Variants in CALCRL observed in about 807,000 individuals in gnomAD.
The protein encoded by CALCRL is calcitonin receptor like receptor, also known as calcitonin gene-related peptide type 1 receptor.
Under a neutral mutation model 60.4 loss-of-function variants are expected in CALCRL, and 27 were observed. That is an observed-to-expected ratio of 0.45 (90% CI 0.33 to 0.62). The LOEUF (loss-of-function observed/expected upper bound fraction) is 0.62, where lower values mean the gene tolerates loss of function less well. CALCRL is among the 20% of genes least tolerant of loss of function. CALCRL has a pLI of 0.03. For missense variants in CALCRL, 424 were observed against 540.7 expected (o/e 0.78, Z 2.14); for synonymous variants, 190 against 182.6 (o/e 1.04, Z -0.33).
intron 1 of CALCRL, among the ~76,000 whole-genome samples, chr2:187,396,414 A>G (rs1688655002): frequency 6.6e-6 from 1 of 151,754 alleles, no homozygotes; most frequent in African/African-American, 2.4e-5. Flanking sequence ...ACTTATTACC[A>G]TCATCATTGG....
chr2:187,359,508 A>C (rs1686955213), intron 10 of CALCRL, among the ~76,000 whole-genome samples: 1 of 152,114 alleles, frequency 6.6e-6, no homozygotes. Flanking sequence ...ACTATAATTC[A>C]TAAGTCATTT....
chr2:187,447,824 T>C (rs1256640076), intron 1 of CALCRL, among the ~76,000 whole-genome samples: 1 of 152,096 alleles, frequency 6.6e-6, no homozygotes, highest in Non-Finnish European at 1.5e-5. Flanking sequence ...TAAATTTATT[T>C]TCTAGAATAC....
intron 8 of CALCRL, among the ~76,000 whole-genome samples, chr2:187,373,787 A>C (rs555504428): frequency 4.0e-4 from 61 of 152,332 alleles, no homozygotes; most frequent in South Asian, 8.3e-4. Flanking sequence ...ACTGAGGATT[A>C]GAAAAATGAA....
intron 9 of CALCRL, among the ~76,000 whole-genome samples, chr2:187,361,939 CAT>C (rs1687072908): frequency 4.6e-5 from 7 of 151,802 alleles, no homozygotes; most frequent in Admixed American, 6.6e-5. Flanking sequence ...TAAAACACAG[CAT>C]TATATTAAAG....
rs182742660 is a variant in CALCRL, at chr2:187,397,014, T to C, written c.-292-9258A>G. ...TCCAACTCAGTCACACACTAGCAAA[T>C]TAAACAACTTCTTTAAGAATAGTTT... On this transcript the variant is annotated intron_variant, in intron 1 of 14. Coordinates refer to ENST00000392370, the MANE Select transcript of CALCRL (RefSeq NM_005795.6). Among the ~76,000 whole-genome samples, 7 of 151,800 alleles carry C rather than the reference T, an allele frequency of 4.6e-5. No homozygotes were observed. In the East Asian group the frequency reaches 1.4e-3, roughly 29 times the overall value.
chr2:187,361,119 A>T (rs1189791170), intron 9 of CALCRL, among the ~76,000 whole-genome samples: 2 of 127,982 alleles, frequency 1.6e-5, no homozygotes, highest in African/African-American at 5.3e-5. Context: ...TGACTGTTAC[A>T]TTCTGTTGGA....
chr2:187,423,894 A>G (rs1267743911), intron 1 of CALCRL, among the ~76,000 whole-genome samples: 1 of 152,076 alleles, frequency 6.6e-6, no homozygotes, highest in South Asian at 2.1e-4. Context: ...CAGCATGACC[A>G]TAATTTTTTC....
chr2:187,446,229 G>A (rs1209912966), intron 1 of CALCRL, among the ~76,000 whole-genome samples: 2 of 151,486 alleles, frequency 1.3e-5, no homozygotes, highest in Non-Finnish European at 3.0e-5. Context: ...ATTTCTTTAT[G>A]GCTAAAAGCA....
intron 8 of CALCRL, among the ~76,000 whole-genome samples, chr2:187,373,175 T>TAAGATCC (rs1327441591): frequency 6.6e-6 from 1 of 152,158 alleles, no homozygotes; most frequent in Non-Finnish European, 1.5e-5. Flanking sequence ...GATCCTATGC[T>TAAGATCC]AAGCCCCGAG....
chr2:187,424,491 T>C (rs891965845), intron 1 of CALCRL, among the ~76,000 whole-genome samples: 3 of 152,068 alleles, frequency 2.0e-5, no homozygotes, highest in Admixed American at 2.0e-4. Flanking sequence ...AATGCAAATA[T>C]TATTTCATTT....
At chr2:187,352,005 A>G in intron 13 of CALCRL, 44 bp from the exon 14 acceptor site, 3 of 1,560,396 alleles carry the variant, frequency 1.9e-6, no homozygotes, top group East Asian at 2.2e-5. Flanking sequence ...ATGGAAAGAT[A>G]CATGTATTTG....
At chr2:187,414,493 A>G (rs1440571415) in intron 1 of CALCRL, among the ~76,000 whole-genome samples, 2 of 152,156 alleles carry the variant, frequency 1.3e-5, no homozygotes, top group Admixed American at 1.3e-4. Flanking sequence ...TTGCATTAAG[A>G]GGAGTTGTAA....
rs191233497 is a variant in CALCRL at position 187,343,836 on chromosome 2, T to C, written c.*2348A>G. 33 of 151,648 alleles carry C rather than the reference T, an allele frequency of 2.2e-4. No individual in the cohort carries two copies. The East Asian group carries it at 6.2e-3, about 28-fold the overall frequency. 9.4% of individuals were successfully genotyped at this position (151,648 alleles called of 1,614,324 possible). On this transcript the variant is annotated 3_prime_UTR_variant, in exon 15 of 15. Transcript: ENST00000392370. ...AACATTTAAAACTATTCTAAAAATA[T>C]ATGGGTACAAAACTAACAGTGATTA...
intron 1 of CALCRL, among the ~76,000 whole-genome samples, chr2:187,410,580 A>G (rs1689315438): frequency 6.6e-6 from 1 of 152,224 alleles, no homozygotes; most frequent in Non-Finnish European, 1.5e-5. Context: ...AGAAGGTTTG[A>G]AAGCCTGTTT....
At chr2:187,388,721 G>A (rs2105796997) in intron 1 of CALCRL, among the ~76,000 whole-genome samples, 1 of 151,938 alleles carries the variant, frequency 6.6e-6, no homozygotes, top group Admixed American at 6.6e-5. Flanking sequence ...TTTATTAACA[G>A]ATATATTTTA....
At chr2:187,426,224 T>C (rs1371244999) in intron 1 of CALCRL, among the ~76,000 whole-genome samples, 1 of 148,668 alleles carries the variant, frequency 6.7e-6, no homozygotes, top group African/African-American at 2.4e-5. Context: ...TGTGAAGTTA[T>C]GGTGTCTGTC....
At chr2:187,422,382 T>C (rs955628810) in intron 1 of CALCRL, among the ~76,000 whole-genome samples, 4 of 152,298 alleles carry the variant, frequency 2.6e-5, no homozygotes, top group African/African-American at 9.6e-5. Flanking sequence ...TACAATAGAA[T>C]ATATTTTTTC....
At chr2:187,416,419 T>C (rs558743120) in intron 1 of CALCRL, among the ~76,000 whole-genome samples, 1 of 152,132 alleles carries the variant, frequency 6.6e-6, no homozygotes. Flanking sequence ...ATCCTAGTAA[T>C]AGATCCAAAT....
intron 1 of CALCRL, among the ~76,000 whole-genome samples, chr2:187,392,486 A>G (rs1045121225): frequency 2.0e-5 from 3 of 152,150 alleles, no homozygotes; most frequent in African/African-American, 7.2e-5. Flanking sequence ...TATCTCTTGA[A>G]TCAAAACAAG....
Sources: allele counts gnomAD v4.1 joint callset (sites outside exome capture counted in the v4.1 genomes callset), GRCh38; gene constraint gnomAD v4.1.1; transcripts MANE v1.5; gene names NCBI Gene and HGNC (gene_info 2026-07-23, HGNC 2026-07-21).